Variants in COPRS observed in about 807,000 individuals in gnomAD.
The protein encoded by COPRS is cooperator of PRMT5.
In COPRS, 11 loss-of-function variants were observed where a neutral mutation model predicts 19.9. The observed-to-expected ratio is 0.55, with a 90% CI of 0.35 to 0.92. The LOEUF (loss-of-function observed/expected upper bound fraction) is 0.92. COPRS is among the 40% of genes least tolerant of loss of function. The pLI is 0.01. For synonymous variants in COPRS, 81 were observed against 82.7 expected, an observed-to-expected ratio of 0.98 and a Z score of 0.11; for missense variants, 225 against 229.9, an observed-to-expected ratio of 0.98 and a Z score of 0.14.
Position 31,852,036 on chromosome 17 carries a change from G to T in COPRS, c.*103C>A. 1 of 1,346,782 alleles carries T rather than the reference G, an allele frequency of 7.4e-7. No homozygotes were observed. Among genetic ancestry groups the T allele is most frequent in the Non-Finnish European group, 1.0e-6 (1 of 954,532 alleles). 83.4% of individuals were successfully genotyped at this position (1,346,782 alleles called of 1,614,324 possible). A position where few individuals can be genotyped will look rare whatever the true frequency, so the allele number is the denominator to read the frequency against. ...ACTGGTCTGTGTACCCCAGACTAGGGGTCACTGCAAACATTTTCTCAGATA... is the reference window on the plus strand; with the variant it reads ...ACTGGTCTGTGTACCCCAGACTAGGTGTCACTGCAAACATTTTCTCAGATA... On this transcript the variant is annotated 3_prime_UTR_variant, in exon 4 of 4. Transcript: ENST00000302362.
intron 2 of COPRS, among the ~76,000 whole-genome samples, chr17:31,855,069 T>C (rs1248019374): frequency 6.6e-6 from 1 of 152,144 alleles, no homozygotes; most frequent in Admixed American, 6.5e-5. Flanking sequence ...GATAGGGTTG[T>C]TGTGAGAGTT....
chr17:31,852,333 T>C, intron 3 of COPRS, 25 bp from the exon 4 acceptor site: 2 of 1,578,570 alleles, frequency 1.3e-6, no homozygotes, highest in Non-Finnish European at 1.7e-6. Flanking sequence ...AAAAGACAGA[T>C]TAAGGGAAGG....
intron 3 of COPRS, 101 bp from the exon 4 acceptor site, chr17:31,852,409 C>T (rs1194772416): frequency 2.3e-6 from 2 of 865,190 alleles, no homozygotes; most frequent in African/African-American, 3.4e-5. Context: ...CAGATCCTTG[C>T]ACTTATTTTG....
intron 3 of COPRS, 63 bp downstream of exon 3, chr17:31,852,749 G>A (rs992108658): frequency 1.7e-6 from 2 of 1,194,266 alleles, no homozygotes; most frequent in Non-Finnish European, 1.3e-6. Flanking sequence ...CTGCCTTCAG[G>A]GCTGGTCTGA....
intron 2 of COPRS, among the ~76,000 whole-genome samples, chr17:31,854,278 G>A (rs1331218121): frequency 6.6e-6 from 1 of 150,696 alleles, no homozygotes; most frequent in African/African-American, 2.5e-5. Flanking sequence ...GCTGAGGTGG[G>A]AGGATCGCTT....
intron 1 of COPRS, 121 bp downstream of exon 1, chr17:31,858,980 G>A (rs1909449942): frequency 2.3e-6 from 3 of 1,331,946 alleles, no homozygotes; most frequent in Non-Finnish European, 2.9e-6. Context: ...CGTGTCGCGG[G>A]GCGGCCCGAG....
chr17:31,856,990 C>T lies in COPRS; in HGVS notation c.100-125G>A, dbSNP rs188242610. The stretch of plus-strand genomic sequence containing the variant: ...TTGGTGATGCAGGGCTGGGACTCTG[C>T]CACCCACATTTCTACTTTGCCCTGT... On this transcript the variant is annotated intron_variant, in intron 1 of 3. Coordinates refer to ENST00000302362, the MANE Select transcript of COPRS (RefSeq NM_018405.4). 3.6e-5 allele frequency: 25 copies of T among 694,266 alleles called. No homozygotes were observed. The Admixed American group carries it at 4.1e-4, about 11-fold the overall frequency. The allele number at this position is 694,266 out of a possible 1,614,324, so 43.0% of individuals were successfully genotyped here.
chr17:31,851,982 G>A lies in COPRS; in HGVS notation c.*157C>T, dbSNP rs190297695. The A allele has an allele frequency of 2.9e-6, 2 of 697,046 alleles. No individual in the cohort carries two copies. The highest frequency in any genetic ancestry group is 3.0e-5 in the Admixed American group (1 of 33,800). 43.2% of individuals were successfully genotyped at this position (697,046 alleles called of 1,614,324 possible). A position where few individuals can be genotyped will look rare whatever the true frequency, so the allele number is the denominator to read the frequency against. ...AACAACAGACTGGCGAGAATGACGG[G>A]GCCTTATTGAACACTGTCAATAAGG... On this transcript the variant is annotated 3_prime_UTR_variant, in exon 4 of 4. Coordinates refer to ENST00000302362, the MANE Select transcript of COPRS (RefSeq NM_018405.4).
chr17:31,855,795 A>G (rs1909329003), intron 2 of COPRS, among the ~76,000 whole-genome samples: 2 of 152,114 alleles, frequency 1.3e-5, no homozygotes, highest in Admixed American at 1.3e-4. Flanking sequence ...CAGGAGTTCG[A>G]GACCAGCCTG....
At chr17:31,857,617 T>A (rs1326401684) in intron 1 of COPRS, among the ~76,000 whole-genome samples, 1 of 152,148 alleles carries the variant, frequency 6.6e-6, no homozygotes, top group Non-Finnish European at 1.5e-5. Flanking sequence ...CTCCAAGACC[T>A]CTTTCTAATG....
At chr17:31,856,500 T>C (rs1909356905) in intron 2 of COPRS, 1 of 387,294 alleles carries the variant, frequency 2.6e-6, no homozygotes, top group South Asian at 2.9e-5. Context: ...CAGGCATCCA[T>C]TGGGGCGGGG....
In COPRS at chr17:31,852,082, AGGAAAAGAGATCTTGAC is replaced by A; in HGVS notation, c.*40_*56del. ...AGATATGACTTTTCACCTCCAAGACAGGAAAAGAGATCTTGACGTGGAGGCCCGCCCACCTACAAGGC... is the reference window on the plus strand; with the variant it reads ...AGATATGACTTTTCACCTCCAAGACAGTGGAGGCCCGCCCACCTACAAGGC... On this transcript the variant is annotated 3_prime_UTR_variant, in exon 4 of 4. Transcript: ENST00000302362. 5.0e-6 allele frequency: 8 copies of A among 1,601,336 alleles called. No individual in the cohort carries two copies. The highest frequency in any genetic ancestry group is 6.8e-6 in the Non-Finnish European group (8 of 1,170,542).
Position 31,852,796 on chromosome 17 carries a change from G to T in COPRS, c.385+16C>A, listed in dbSNP as rs762851443. ...GAGAAGGCCTAGTTCAGGACCCCCA[G>T]AGACTCCACACCTACCATATGGATT... On this transcript the variant is annotated intron_variant, in intron 3 of 3. Coordinates refer to ENST00000302362, the MANE Select transcript of COPRS (RefSeq NM_018405.4). 6.3e-7 allele frequency: 1 copy of T among 1,594,260 alleles called. No homozygotes were observed. Among genetic ancestry groups the T allele is most frequent in the South Asian group, 1.1e-5 (1 of 90,628 alleles).
chr17:31,853,458 G>A (rs1909226800), intron 2 of COPRS, among the ~76,000 whole-genome samples: 1 of 150,296 alleles, frequency 6.7e-6, no homozygotes, highest in African/African-American at 2.5e-5. Flanking sequence ...TCGGCTCACT[G>A]CAACCTCTAC....
chr17:31,856,513 G>T (rs914316760), intron 2 of COPRS: 33 of 427,258 alleles, frequency 7.7e-5, no homozygotes, highest in Non-Finnish European at 3.3e-5. Context: ...GGGCGGGGGG[G>T]TCTTAGAATG....
chr17:31,853,301 G>A (rs1225697653), intron 2 of COPRS, among the ~76,000 whole-genome samples: 2 of 152,090 alleles, frequency 1.3e-5, no homozygotes, highest in Admixed American at 1.3e-4. Flanking sequence ...AACATTTTCA[G>A]GTGGTTTGTA....
intron 2 of COPRS, among the ~76,000 whole-genome samples, chr17:31,856,238 G>C (rs1028236190): frequency 6.6e-6 from 1 of 152,136 alleles, no homozygotes; most frequent in Admixed American, 6.5e-5. Flanking sequence ...GGGAGGCTGA[G>C]GCAGGAGAAT....
intron 3 of COPRS, among the ~76,000 whole-genome samples, 166 bp from the exon 4 acceptor site, chr17:31,852,474 G>C (rs1254289912): frequency 6.6e-6 from 1 of 152,066 alleles, no homozygotes; most frequent in Non-Finnish European, 1.5e-5. Flanking sequence ...CGTTCATTCG[G>C]AACAGCTGAG....
Position 31,852,846 on chromosome 17 carries a change from G to A in COPRS, c.351C>T (p.Asp117=), listed in dbSNP as rs779222121. The A allele has an allele frequency of 2.0e-5, 33 of 1,613,886 alleles. No homozygotes were observed. In the East Asian group the frequency reaches 7.1e-4, roughly 35 times the overall value. ...QPGDLFNEDW[D]SELKADQGNP... ...TCCCTTGATCTGCTTTCAACTCCGAGTCCCAGTCCTCATTAAAAAGATCGC... is the reference window on the plus strand; with the variant it reads ...TCCCTTGATCTGCTTTCAACTCCGAATCCCAGTCCTCATTAAAAAGATCGC... The change falls in exon 3 of 4, where the codon GAC becomes GAT. Residue 117 remains aspartate (D), a synonymous_variant. Coordinates refer to ENST00000302362, the MANE Select transcript of COPRS (RefSeq NM_018405.4).
Sources: gnomAD v4.1 joint callset for allele counts (sites outside exome capture counted in the v4.1 genomes callset) on GRCh38, gnomAD v4.1.1 for gene constraint, MANE v1.5 for transcripts, NCBI Gene and HGNC (gene_info 2026-07-23, HGNC 2026-07-21) for gene names.